Variants in AACS observed in about 807,000 individuals in gnomAD.
AACS encodes the protein acetoacetate-CoA ligase.
Under a neutral mutation model 83.1 loss-of-function variants are expected in AACS, and 69 were observed. That is an observed-to-expected ratio of 0.83 (90% CI 0.68 to 1.01). The LOEUF is 1.01. AACS is among the 50% of genes least tolerant of loss of function. The pLI, the probability that AACS is intolerant of heterozygous loss-of-function variation, is 0.00. For synonymous variants in AACS, 333 were observed against 343.4 expected, an observed-to-expected ratio of 0.97 and a Z score of 0.33; for missense variants, 866 against 882.2, an observed-to-expected ratio of 0.98 and a Z score of 0.23.
intron 5 of AACS, among the ~76,000 whole-genome samples, chr12:125,095,377 T>C (rs1379429488): frequency 2.0e-5 from 3 of 152,322 alleles, no homozygotes; most frequent in South Asian, 2.1e-4. Flanking sequence ...TCACTGTGCC[T>C]GGGGTCCTGT....
intron 8 of AACS, among the ~76,000 whole-genome samples, chr12:125,111,195 G>C (rs530287117): frequency 6.6e-6 from 1 of 151,958 alleles, no homozygotes; most frequent in Admixed American, 6.6e-5. Flanking sequence ...ACAGACTAAG[G>C]TGTAGTTGGA....
intron 2 of AACS, among the ~76,000 whole-genome samples, chr12:125,075,750 T>C (rs1412769649): frequency 6.6e-5 from 10 of 151,836 alleles, no homozygotes; most frequent in Admixed American, 5.9e-4. Context: ...CACGCTGGCA[T>C]GCCTGGCTAA....
chr12:125,110,518 G>A (rs541184675), intron 8 of AACS, among the ~76,000 whole-genome samples: 24 of 152,240 alleles, frequency 1.6e-4, no homozygotes, highest in African/African-American at 5.8e-4. Flanking sequence ...TTGCGACGCC[G>A]TGGCTCCCAC....
rs1051905217 is a variant in AACS, at chr12:125,094,100, A to G, written c.570+2577A>G. Among the ~76,000 whole-genome samples the G allele has an allele frequency of 1.2e-4, 18 of 152,190 alleles. No individual in the cohort carries two copies. The highest frequency in any genetic ancestry group is 2.4e-4 in the Non-Finnish European group (16 of 68,032). Reference sequence around the variant, plus strand: ...TGTTCAGGGGCTAAAACTAACAGGGATGAATTCCTGGAGTTGCTGATGAGG... The same window carrying G: ...TGTTCAGGGGCTAAAACTAACAGGGGTGAATTCCTGGAGTTGCTGATGAGG... On this transcript the variant is annotated intron_variant, in intron 5 of 17. Transcript: ENST00000316519. This position sits in a 1 kb window ranked among gnomAD's most constrained non-coding sequence, Gnocchi z 4.1.
intron 17 of AACS, 44 bp downstream of exon 17, chr12:125,136,908 C>T: frequency 1.9e-6 from 3 of 1,592,088 alleles, no homozygotes; most frequent in Admixed American, 1.7e-5. Context: ...GCCATCGCCC[C>T]ACGAGCCCAC....
intron 8 of AACS, among the ~76,000 whole-genome samples, chr12:125,110,321 T>A (rs1956928178): frequency 6.6e-6 from 1 of 151,934 alleles, no homozygotes; most frequent in East Asian, 1.9e-4. Flanking sequence ...TCCACCTTCC[T>A]TGGCCTCCCA....
chr12:125,065,448 C>T lies in AACS; in HGVS notation c.-137C>T, dbSNP rs1019459506. 1.6e-5 allele frequency: 16 copies of T among 981,490 alleles called. No individual in the cohort carries two copies. In the South Asian group the frequency reaches 3.8e-4, roughly 23 times the overall value. The allele number at this position is 981,490 out of a possible 1,614,324, so 60.8% of individuals were successfully genotyped here. On this transcript the variant is annotated 5_prime_UTR_variant, in exon 1 of 18. Coordinates refer to ENST00000316519, the MANE Select transcript of AACS (RefSeq NM_023928.5). ...CGGCGGCCGTTCAGTCCCTTGTTCC[C>T]CGCCGCCGCCGTCGCTGACCCAGCC...
At chr12:125,089,700 C>T (rs1462964079) in intron 4 of AACS, among the ~76,000 whole-genome samples, 3 of 152,052 alleles carry the variant, frequency 2.0e-5, no homozygotes, top group Admixed American at 1.3e-4. Context: ...CATCCATCAA[C>T]CCATCCATCT....
rs1005141377 is a variant in AACS, at chr12:125,142,962, G to C, written c.*733G>C. The C allele has an allele frequency of 4.6e-5, 7 of 152,236 alleles. No homozygotes were observed. The highest frequency in any genetic ancestry group is 1.7e-4 in the African/African-American group (7 of 41,452). 9.4% of individuals were successfully genotyped at this position (152,236 alleles called of 1,614,324 possible). On this transcript the variant is annotated 3_prime_UTR_variant, in exon 18 of 18. Coordinates refer to ENST00000316519, the MANE Select transcript of AACS (RefSeq NM_023928.5). ...GTGGGTGTCCACCCGTGTCCCTCAT[G>C]GGTGAGCCCTCCAGCTGTGAGCCCA...
chr12:125,142,998 T>G lies in AACS; in HGVS notation c.*769T>G, dbSNP rs1957525633. ...CCAGCTGTGAGCCCAGGCAGTGTGG[T>G]CACCGAGTGAGGACCCTCCTCACCA... is the stretch of plus-strand genomic sequence containing the variant. On this transcript the variant is annotated 3_prime_UTR_variant, in exon 18 of 18. Coordinates refer to ENST00000316519, the MANE Select transcript of AACS (RefSeq NM_023928.5). 1 of 152,248 alleles carries G rather than the reference T, an allele frequency of 6.6e-6. No individual in the cohort carries two copies. The highest frequency in any genetic ancestry group is 1.5e-5 in the Non-Finnish European group (1 of 68,048). 9.4% of individuals were successfully genotyped at this position (152,248 alleles called of 1,614,324 possible). A position where few individuals can be genotyped will look rare whatever the true frequency, so the allele number is the denominator to read the frequency against.
At chr12:125,068,438 G>A (rs1030686416) in intron 1 of AACS, among the ~76,000 whole-genome samples, 5 of 152,178 alleles carry the variant, frequency 3.3e-5, no homozygotes, top group East Asian at 1.9e-4. Flanking sequence ...CAGCCTGGGC[G>A]ACAGAGTAAG....
At chr12:125,131,150 A>G (rs756978000) in intron 14 of AACS, among the ~76,000 whole-genome samples, 10 of 152,196 alleles carry the variant, frequency 6.6e-5, no homozygotes, top group Admixed American at 1.3e-4. Context: ...AAAGATACCC[A>G]GGATGTTAGT....
chr12:125,127,982 T>G (rs1037213757), intron 12 of AACS, 179 bp from the exon 13 acceptor site: 1 of 441,678 alleles, frequency 2.3e-6, no homozygotes, highest in Non-Finnish European at 4.0e-6. Context: ...CATTCTAATT[T>G]CCATATCACC....
chr12:125,072,343 C>T (rs1955892127), intron 1 of AACS, among the ~76,000 whole-genome samples: 1 of 152,154 alleles, frequency 6.6e-6, no homozygotes. Flanking sequence ...ACACCACAGT[C>T]AGAGGGGACA....
chr12:125,065,607 G>A lies in AACS; in HGVS notation c.23G>A (p.Gly8Asp). The A allele has an allele frequency of 6.5e-7, 1 of 1,534,378 alleles. No individual in the cohort carries two copies. The highest frequency in any genetic ancestry group is 8.8e-7 in the Non-Finnish European group (1 of 1,139,670). ...GCCATGTCCAAGGAGGAGCGCCCCG[G>A]TCGGGAGGAGATCCTGGAGTGCCAG... The part of the protein sequence containing the change: MSKEERP[G>D]REEILECQVM... Residue 8 changes from glycine (G) to aspartate (D), a missense_variant, in exon 1 of 18, where the codon GGT becomes GAT. By Grantham distance (94) the Gly-to-Asp change is moderately conservative. Transcript: ENST00000316519.
intron 5 of AACS, among the ~76,000 whole-genome samples, chr12:125,093,506 C>A (rs1956535973): frequency 6.6e-6 from 1 of 152,252 alleles, no homozygotes; most frequent in South Asian, 2.1e-4. Context: ...ATGCATGGCT[C>A]TGTAGCAAAC....
intron 2 of AACS, 77 bp from the exon 3 acceptor site, chr12:125,076,414 T>G: frequency 5.8e-6 from 9 of 1,561,428 alleles, no homozygotes; most frequent in South Asian, 1.2e-5. Context: ...TGCTGATTTG[T>G]GACATAGTCT....
At chr12:125,099,602 C>T (rs529650546) in intron 5 of AACS, among the ~76,000 whole-genome samples, 4 of 152,276 alleles carry the variant, frequency 2.6e-5, no homozygotes, top group Admixed American at 6.5e-5. Context: ...AGTAAATGAG[C>T]GAATATCGGT....
chr12:125,103,129 C>T, intron 7 of AACS, 48 bp downstream of exon 7: 7 of 1,529,482 alleles, frequency 4.6e-6, no homozygotes, highest in Non-Finnish European at 6.3e-6. Flanking sequence ...CCCACTGGAG[C>T]TCCTGCGGGG....
Sources: allele counts gnomAD v4.1 joint callset (sites outside exome capture counted in the v4.1 genomes callset), GRCh38; gene constraint gnomAD v4.1.1; non-coding constraint Gnocchi (gnomAD v3.1); transcripts MANE v1.5; gene names NCBI Gene and HGNC (gene_info 2026-07-23, HGNC 2026-07-21).